GSG1L: variants seen among roughly 807,000 people sequenced by gnomAD.
The protein encoded by GSG1L is GSG1 like, also known as germ cell-specific gene 1-like protein.
Under a neutral mutation model 42.1 loss-of-function variants are expected in GSG1L, and 24 were observed. The observed-to-expected ratio is 0.57, with a 90% CI of 0.41 to 0.80. GSG1L has a LOEUF of 0.80. GSG1L is among the 30% of genes least tolerant of loss of function. The pLI is 0.00. For missense variants in GSG1L, 445 were observed against 472.2 expected (o/e 0.94, Z 0.53); for synonymous variants, 215 against 203.5 (o/e 1.06, Z -0.48).
intron 2 of GSG1L, chr16:27,888,186 G>A (rs1596587290): frequency 1.0e-6 from 1 of 962,258 alleles, no homozygotes; most frequent in Non-Finnish European, 1.2e-6. Flanking sequence ...CACCCCAGGG[G>A]GTGCGTTCAA....
intron 1 of GSG1L, among the ~76,000 whole-genome samples, chr16:28,061,581 C>T (rs943449730): frequency 2.0e-5 from 3 of 152,294 alleles, no homozygotes; most frequent in Admixed American, 1.3e-4. Context: ...ACCTACTATG[C>T]GCTAGACATT....
At chr16:27,863,880 G>A (rs1313514598) in intron 3 of GSG1L, among the ~76,000 whole-genome samples, 1 of 152,160 alleles carries the variant, frequency 6.6e-6, no homozygotes, top group East Asian at 1.9e-4. Context: ...AATCACAAGT[G>A]GTGACTACCT....
At chr16:28,022,084 G>A (rs971358658) in intron 1 of GSG1L, among the ~76,000 whole-genome samples, 2 of 152,130 alleles carry the variant, frequency 1.3e-5, no homozygotes, top group Non-Finnish European at 2.9e-5. Flanking sequence ...ATATGTTTAG[G>A]GTTGTAGGCT....
At chr16:28,052,640 GAAGTA>G (rs1197567670) in intron 1 of GSG1L, among the ~76,000 whole-genome samples, 8 of 152,218 alleles carry the variant, frequency 5.3e-5, no homozygotes, top group Non-Finnish European at 1.0e-4. Context: ...AGGTCACCAT[GAAGTA>G]GAGCCCCCCA....
chr16:27,918,591 G>A (rs547243338), intron 2 of GSG1L, among the ~76,000 whole-genome samples: 10 of 151,778 alleles, frequency 6.6e-5, no homozygotes, highest in East Asian at 5.8e-4. Context: ...CCTGGGAGGC[G>A]GAGGTCACAG....
At chr16:28,001,711 A>T (rs2141144583) in intron 1 of GSG1L, among the ~76,000 whole-genome samples, 1 of 152,206 alleles carries the variant, frequency 6.6e-6, no homozygotes, top group Admixed American at 6.5e-5. Context: ...TCCTGGAAAG[A>T]TCATTTTGTG....
intron 3 of GSG1L, among the ~76,000 whole-genome samples, chr16:27,846,560 C>T (rs947842678): frequency 2.0e-5 from 3 of 152,130 alleles, no homozygotes; most frequent in Admixed American, 6.6e-5. Context: ...TCCCCAAATA[C>T]GAGAGACCAT....
At chr16:27,956,139 A>G (rs529866021) in intron 2 of GSG1L, among the ~76,000 whole-genome samples, 1 of 152,204 alleles carries the variant, frequency 6.6e-6, no homozygotes, top group Non-Finnish European at 1.5e-5. Context: ...ATTTAATGAT[A>G]GTTGGTTAAT....
chr16:27,909,811 C>G (rs1040620272), intron 2 of GSG1L, among the ~76,000 whole-genome samples: 2 of 151,668 alleles, frequency 1.3e-5, no homozygotes, highest in Admixed American at 1.3e-4. Context: ...CCAGCCTGCA[C>G]CTAGATCTTT....
chr16:27,948,092 C>G (rs1050025868), intron 2 of GSG1L, among the ~76,000 whole-genome samples: 8 of 152,300 alleles, frequency 5.3e-5, no homozygotes, highest in Non-Finnish European at 1.2e-4. Context: ...TCCTTACCCC[C>G]CTTGCTGGGG....
At position 27,961,391 on chromosome 16, in the gene GSG1L, A is replaced by ACATCCCAGAGGG. The variant is rs1567536061; in HGVS notation, c.397+1764_397+1765insCCCTCTGGGATG. Among the ~76,000 whole-genome samples the ACATCCCAGAGGG allele has an allele frequency of 4.4e-3, 667 of 152,100 alleles. 10 individuals are homozygous for ACATCCCAGAGGG. The highest frequency in any genetic ancestry group is 0.015 in the African/African-American group (610 of 41,514). ...AATTATGGGATGCACATCCCAGAGG[A>ACATCCCAGAGGG]CTGCACATCCCAGAGGGCTGCACAT... On this transcript the variant is annotated intron_variant, in intron 2 of 6. Transcript: ENST00000447459.
chr16:28,062,899 C>A (rs900173287), intron 1 of GSG1L, among the ~76,000 whole-genome samples, 177 bp downstream of exon 1: 1 of 151,982 alleles, frequency 6.6e-6, no homozygotes, highest in East Asian at 1.9e-4. Context: ...ATGCTGGTCC[C>A]CGGCCCCGGA....
In GSG1L at chr16:28,050,554, G is replaced by A. The variant is rs542737994; in HGVS notation, c.349+12522C>T. ...GGACAGATCTTTAAAGATAGAAATA[G>A]GTATCTTGGAAAATACTTCAAGGGT... On this transcript the variant is annotated intron_variant, in intron 1 of 6. Coordinates refer to ENST00000447459, the MANE Select transcript of GSG1L (RefSeq NM_001109763.2). Among the ~76,000 whole-genome samples the A allele has an allele frequency of 1.2e-3, 186 of 152,312 alleles. 2 individuals are homozygous for A. The highest frequency in any genetic ancestry group is 1.1e-3 in the Non-Finnish European group (75 of 68,016).
chr16:27,832,792 C>A (rs1042507650), intron 4 of GSG1L, among the ~76,000 whole-genome samples: 1 of 152,008 alleles, frequency 6.6e-6, no homozygotes, highest in Non-Finnish European at 1.5e-5. Context: ...TGTTTTTTGC[C>A]CACTTTCTAA....
chr16:27,940,777 A>G (rs957273290), intron 2 of GSG1L, among the ~76,000 whole-genome samples: 1 of 150,468 alleles, frequency 6.6e-6, no homozygotes, highest in Non-Finnish European at 1.5e-5. Context: ...TGGGTGCAGC[A>G]CACCAGCATG....
chr16:28,008,360 A>G (rs1030587968), intron 1 of GSG1L, among the ~76,000 whole-genome samples: 3 of 152,176 alleles, frequency 2.0e-5, no homozygotes, highest in Non-Finnish European at 4.4e-5. Context: ...GATTACAGGC[A>G]TAAGCCACCA....
At chr16:28,008,985 T>A (rs560002730) in intron 1 of GSG1L, among the ~76,000 whole-genome samples, 1 of 152,208 alleles carries the variant, frequency 6.6e-6, no homozygotes, top group South Asian at 2.1e-4. Flanking sequence ...ATTTTTGTAT[T>A]TTTAGTAGAG....
At chr16:27,926,512 A>C (rs28759103) in intron 2 of GSG1L, among the ~76,000 whole-genome samples, 15,711 of 71,980 alleles carry the variant, frequency 0.22, 1,191 homozygotes, top group African/African-American at 0.32. Flanking sequence ...GTGCTGAAAA[A>C]AAAAAAACAA....
At chr16:27,989,619 A>G (rs1374424351) in intron 1 of GSG1L, among the ~76,000 whole-genome samples, 1 of 152,118 alleles carries the variant, frequency 6.6e-6, no homozygotes, top group East Asian at 1.9e-4. Flanking sequence ...AAATGCTTGT[A>G]GTCCCAGCTA....
Sources: gnomAD v4.1 joint callset for allele counts (sites outside exome capture counted in the v4.1 genomes callset) on GRCh38, gnomAD v4.1.1 for gene constraint, MANE v1.5 for transcripts, NCBI Gene and HGNC (gene_info 2026-07-23, HGNC 2026-07-21) for gene names.